The following CNTN4 variants were observed in gnomAD, a reference collection of about 807,000 sequenced individuals.
The protein encoded by CNTN4 is contactin 4.
Under a neutral mutation model 122.5 loss-of-function variants are expected in CNTN4, and 77 were observed. The observed-to-expected ratio is 0.63, with a 90% CI of 0.52 to 0.76. CNTN4 has a LOEUF of 0.76. Ranked by LOEUF, CNTN4 falls within the 30% of genes least tolerant of loss-of-function variation. CNTN4 has a pLI of 0.00. For missense variants in CNTN4, 1,256 were observed against 1,259.1 expected, an observed-to-expected ratio of 1.00 and a Z score of 0.04; for synonymous variants, 512 against 447.0, an observed-to-expected ratio of 1.15 and a Z score of -1.83.
At chr3:2,346,211 C>G (rs929982367) in intron 3 of CNTN4, among the ~76,000 whole-genome samples, 1 of 151,990 alleles carries the variant, frequency 6.6e-6, no homozygotes, top group Non-Finnish European at 1.5e-5. Context: ...TTATTTCGGA[C>G]GTTTCACTGT....
chr3:2,421,228 G>C (rs2047603365), intron 3 of CNTN4, among the ~76,000 whole-genome samples: 1 of 149,902 alleles, frequency 6.7e-6, no homozygotes, highest in Non-Finnish European at 1.5e-5. Context: ...TGAGCTTTAG[G>C]GTGGGTACCC....
chr3:2,636,924 GTTTTTTTTTTTTTTGGTT>G (rs1334911785), intron 4 of CNTN4, among the ~76,000 whole-genome samples: 1 of 98,578 alleles, frequency 1.0e-5, no homozygotes, highest in Non-Finnish European at 2.0e-5. Context: ...TTCTTTCTTT[GTTTTTTTTTTTTTTGGTT>G]TTTTTTTTTT....
intron 4 of CNTN4, among the ~76,000 whole-genome samples, chr3:2,653,616 T>C (rs1401829065): frequency 1.3e-5 from 2 of 152,210 alleles, no homozygotes; most frequent in African/African-American, 4.8e-5. Flanking sequence ...AATACTCTTC[T>C]TTCTCCTATT....
At chr3:2,395,508 C>T (rs778775198) in intron 3 of CNTN4, among the ~76,000 whole-genome samples, 4 of 152,066 alleles carry the variant, frequency 2.6e-5, no homozygotes, top group East Asian at 1.9e-4. Flanking sequence ...GGGAATATTT[C>T]GTGATGCTGA....
At chr3:2,223,570 G>T (rs1452904585) in intron 2 of CNTN4, among the ~76,000 whole-genome samples, 9 of 152,156 alleles carry the variant, frequency 5.9e-5, no homozygotes, top group Admixed American at 5.9e-4. Context: ...GAAAAGAGTT[G>T]ACAGAGTAGG....
chr3:2,327,461 T>C (rs764505550), intron 2 of CNTN4, among the ~76,000 whole-genome samples: 5 of 152,204 alleles, frequency 3.3e-5, no homozygotes, highest in Non-Finnish European at 7.3e-5. Context: ...AGATTTATTT[T>C]ATATTTGTTT....
At chr3:2,225,495 A>G (rs1288039116) in intron 2 of CNTN4, among the ~76,000 whole-genome samples, 1 of 152,176 alleles carries the variant, frequency 6.6e-6, no homozygotes, top group Non-Finnish European at 1.5e-5. Flanking sequence ...CCTGGACAAC[A>G]GAGCTGAGAC....
intron 2 of CNTN4, among the ~76,000 whole-genome samples, chr3:2,135,645 A>G (rs182684855): frequency 1.6e-3 from 242 of 151,608 alleles, no homozygotes; most frequent in African/African-American, 5.0e-3. Flanking sequence ...TTTGTTTGGG[A>G]AAGTGTGGAA....
intron 13 of CNTN4, among the ~76,000 whole-genome samples, chr3:2,942,202 G>A (rs934246067): frequency 6.6e-6 from 1 of 152,118 alleles, no homozygotes; most frequent in South Asian, 2.1e-4. Context: ...CTCTTTTCAC[G>A]AGGACTAGAG....
intron 13 of CNTN4, among the ~76,000 whole-genome samples, chr3:2,950,899 A>G (rs955979693): frequency 6.6e-6 from 1 of 152,244 alleles, no homozygotes. Flanking sequence ...CGAGTTGCCT[A>G]TCTTGATCAT....
chr3:2,137,368 G>A (rs562682139), intron 2 of CNTN4, among the ~76,000 whole-genome samples: 2 of 152,240 alleles, frequency 1.3e-5, no homozygotes, highest in East Asian at 3.9e-4. Context: ...CCTTGCCACT[G>A]CAGAAAAAGG....
At chr3:2,628,958 G>T (rs1264546623) in intron 4 of CNTN4, among the ~76,000 whole-genome samples, 1 of 152,128 alleles carries the variant, frequency 6.6e-6, no homozygotes, top group Non-Finnish European at 1.5e-5. Flanking sequence ...GCCTATTTGA[G>T]TAAAAATCCA....
At chr3:2,471,330 T>C (rs2075675329) in intron 3 of CNTN4, among the ~76,000 whole-genome samples, 1 of 152,210 alleles carries the variant, frequency 6.6e-6, no homozygotes, top group Non-Finnish European at 1.5e-5. Flanking sequence ...GAAAAGAATA[T>C]GTTTATTTGA....
intron 3 of CNTN4, among the ~76,000 whole-genome samples, chr3:2,491,482 C>T (rs1489685514): frequency 6.6e-6 from 1 of 152,102 alleles, no homozygotes; most frequent in African/African-American, 2.4e-5. Flanking sequence ...GATTATTATA[C>T]TTAAAAAATA....
At chr3:2,737,231 C>G (rs2089176583) in intron 5 of CNTN4, among the ~76,000 whole-genome samples, 1 of 152,126 alleles carries the variant, frequency 6.6e-6, no homozygotes. Flanking sequence ...TAGGTTTGCA[C>G]CACCATGCCC....
chr3:2,351,443 G>A (rs1250324252), intron 3 of CNTN4, among the ~76,000 whole-genome samples: 1 of 152,150 alleles, frequency 6.6e-6, no homozygotes, highest in South Asian at 2.1e-4. Context: ...GATGGGACAA[G>A]GGTGACCTTA....
chr3:2,598,901 A>T (rs1016423272), intron 4 of CNTN4, among the ~76,000 whole-genome samples: 1 of 152,050 alleles, frequency 6.6e-6, no homozygotes, highest in Non-Finnish European at 1.5e-5. Context: ...AACTTTTCCT[A>T]TTTAAAGGGC....
chr3:2,932,840 A>ATTTTTTT (rs2094534201), intron 13 of CNTN4, among the ~76,000 whole-genome samples: 1 of 151,040 alleles, frequency 6.6e-6, no homozygotes, highest in Non-Finnish European at 1.5e-5. Context: ...TTATTTATTT[A>ATTTTTTT]GAGACGGAGT....
chr3:2,622,614 A>G (rs778672726), intron 4 of CNTN4, among the ~76,000 whole-genome samples: 1 of 152,154 alleles, frequency 6.6e-6, no homozygotes, highest in Non-Finnish European at 1.5e-5. Context: ...TGTCTGCAAA[A>G]TCTGGAATAT....
Sources: gnomAD v4.1 joint callset for allele counts (sites outside exome capture counted in the v4.1 genomes callset) on GRCh38, gnomAD v4.1.1 for gene constraint, MANE v1.5 for transcripts, NCBI Gene and HGNC (gene_info 2026-07-23, HGNC 2026-07-21) for gene names.